The following POMGNT2 variants were observed in gnomAD, a reference collection of about 807,000 sequenced individuals.
POMGNT2 encodes the protein protein O-linked mannose N-acetylglucosaminyltransferase 2 (beta 1,4-).
A neutral mutation model predicts 37.8 loss-of-function variants in POMGNT2; 32 were observed. The ratio of observed to expected loss-of-function variants is 0.85; its 90% CI spans 0.64 to 1.14. The LOEUF is 1.14. POMGNT2 is among the 50% of genes most tolerant of loss of function. POMGNT2 has a pLI of 0.00. For synonymous variants in POMGNT2, 340 were observed against 336.8 expected (o/e 1.01, Z -0.10); for missense variants, 705 against 780.6 (o/e 0.90, Z 1.15).
intron 1 of POMGNT2, among the ~76,000 whole-genome samples, chr3:43,085,486 C>G (rs1463536206): frequency 7.2e-6 from 1 of 138,714 alleles, no homozygotes; most frequent in African/African-American, 3.4e-5. Flanking sequence ...GTTTTAAAAA[C>G]AGGAGTTTCT....
chr3:43,105,337 C>G (rs11716441), intron 1 of POMGNT2, among the ~76,000 whole-genome samples: 44,408 of 152,148 alleles, frequency 0.29, 6,768 homozygotes, highest in Non-Finnish European at 0.33. Flanking sequence ...CCTACTGGCC[C>G]CCAAAGCGCC....
At chr3:43,082,797 T>C (rs2089867039) in intron 1 of POMGNT2, among the ~76,000 whole-genome samples, 1 of 152,222 alleles carries the variant, frequency 6.6e-6, no homozygotes, top group Non-Finnish European at 1.5e-5. Context: ...AGAAGGTGTC[T>C]TTAGCTAGGT....
intron 1 of POMGNT2, among the ~76,000 whole-genome samples, chr3:43,086,839 A>G (rs2089901184): frequency 6.6e-6 from 1 of 152,106 alleles, no homozygotes; most frequent in Non-Finnish European, 1.5e-5. Context: ...AGGAGAGGTG[A>G]CTCCCACTCA....
rs531015056 is a variant in POMGNT2 at position 43,106,063 on chromosome 3, C to T, written c.-333G>A. On this transcript the variant is annotated 5_prime_UTR_variant, in exon 1 of 2. Transcript: ENST00000344697. The stretch of plus-strand genomic sequence containing the variant: ...CGTGCGCCTGCCCGGCGGGCGAGCC[C>T]GGCGCGGAGCCTGTGCGCCTGCGCA... The T allele has an allele frequency of 6.6e-6, 1 of 151,704 alleles. No homozygotes were observed. The highest frequency in any genetic ancestry group is 2.4e-5 in the African/African-American group (1 of 41,364). The allele number at this position is 151,704 out of a possible 1,614,324, so 9.4% of individuals were successfully genotyped here. A position where few individuals can be genotyped will look rare whatever the true frequency, so the allele number is the denominator to read the frequency against.
rs2002182 is a variant in POMGNT2, at chr3:43,106,046, T to A, written c.-316A>T. 2 of 151,510 alleles carry A rather than the reference T, an allele frequency of 1.3e-5. No homozygotes were observed. The highest frequency in any genetic ancestry group is 2.1e-4 in the South Asian group (1 of 4,814). The allele number at this position is 151,510 out of a possible 1,614,324, so 9.4% of individuals were successfully genotyped here. On this transcript the variant is annotated 5_prime_UTR_variant, in exon 1 of 2. Transcript: ENST00000344697. ...GGCTCGCAGGTGTCCGCCGTGCGCC[T>A]GCCCGGCGGGCGAGCCCGGCGCGGA...
At position 43,079,595 on chromosome 3, in the gene POMGNT2, A is replaced by T. The variant is rs2089826776; in HGVS notation, c.*94T>A. 3 of 1,152,158 alleles carry T rather than the reference A, an allele frequency of 2.6e-6. No individual in the cohort carries two copies. In the South Asian group the frequency reaches 4.5e-5, roughly 17 times the overall value. The allele number at this position is 1,152,158 out of a possible 1,614,324, so 71.4% of individuals were successfully genotyped here. On this transcript the variant is annotated 3_prime_UTR_variant, in exon 2 of 2. Coordinates refer to ENST00000344697, the MANE Select transcript of POMGNT2 (RefSeq NM_032806.6). ...TGTGGAGGCACAGGCCTGCTCAATA[A>T]ATAGTTCCCAGAAGTCTCCACAGTG... is the stretch of plus-strand genomic sequence containing the variant.
chr3:43,095,551 G>A (rs2089973893), intron 1 of POMGNT2, among the ~76,000 whole-genome samples: 1 of 152,200 alleles, frequency 6.6e-6, no homozygotes, highest in Admixed American at 6.5e-5. Context: ...CAGGACAGCT[G>A]CATGCTTCAG....
intron 1 of POMGNT2, among the ~76,000 whole-genome samples, chr3:43,099,961 C>G (rs2090005649): frequency 6.6e-6 from 1 of 152,132 alleles, no homozygotes; most frequent in African/African-American, 2.4e-5. Context: ...AATCAAAGCT[C>G]AGAAAGGTTA....
intron 1 of POMGNT2, among the ~76,000 whole-genome samples, chr3:43,084,630 C>T (rs2089881366): frequency 6.8e-6 from 1 of 147,066 alleles, no homozygotes; most frequent in Non-Finnish European, 1.5e-5. Flanking sequence ...GGGTGACAGA[C>T]AGAGCGAGAC....
At chr3:43,092,934 T>G (rs1421129029) in intron 1 of POMGNT2, among the ~76,000 whole-genome samples, 1 of 152,196 alleles carries the variant, frequency 6.6e-6, no homozygotes, top group Non-Finnish European at 1.5e-5. Flanking sequence ...TATGAGCTGA[T>G]GCACATTTTG....
rs533591718 is a variant in POMGNT2 at position 43,081,850 on chromosome 3, C to G, written c.-105-314G>C. Reference sequence around the variant, plus strand: ...AAGGTTTGGAAAGTGTTTGGGCTGGCCTTGCCCTCTTTATGACACTGCCAT... The same window carrying G: ...AAGGTTTGGAAAGTGTTTGGGCTGGGCTTGCCCTCTTTATGACACTGCCAT... On this transcript the variant is annotated intron_variant, in intron 1 of 1. Transcript: ENST00000344697. Among the ~76,000 whole-genome samples the G allele has an allele frequency of 1.9e-3, 293 of 152,350 alleles. 1 individual carries two copies. The highest frequency in any genetic ancestry group is 6.6e-3 in the African/African-American group (276 of 41,584).
intron 1 of POMGNT2, among the ~76,000 whole-genome samples, chr3:43,101,081 T>G (rs532607223): frequency 1.3e-5 from 2 of 152,068 alleles, no homozygotes; most frequent in African/African-American, 4.8e-5. Flanking sequence ...TGCACAAGAG[T>G]GAGGCTGCTC....
intron 1 of POMGNT2, among the ~76,000 whole-genome samples, chr3:43,094,795 A>G (rs2089967673): frequency 6.6e-6 from 1 of 152,200 alleles, no homozygotes; most frequent in African/African-American, 2.4e-5. Context: ...CTGTGCAGTG[A>G]CAAGGAACTC....
At chr3:43,090,410 T>C (rs566444322) in intron 1 of POMGNT2, 1 of 152,244 alleles carries the variant, frequency 6.6e-6, no homozygotes, top group Non-Finnish European at 1.5e-5. Context: ...TAAGAACTAC[T>C]GTGCTGAACT....
At chr3:43,083,093 C>T (rs753157204) in intron 1 of POMGNT2, among the ~76,000 whole-genome samples, 4 of 152,114 alleles carry the variant, frequency 2.6e-5, no homozygotes, top group Non-Finnish European at 5.9e-5. Flanking sequence ...CTACTCTTAT[C>T]CAAAGGTTGG....
chr3:43,088,374 T>C (rs1166403191), intron 1 of POMGNT2, among the ~76,000 whole-genome samples: 4 of 152,226 alleles, frequency 2.6e-5, no homozygotes, highest in Admixed American at 1.3e-4. Flanking sequence ...ACCTTGGGCC[T>C]GGTCAGTCGC....
At position 43,079,889 on chromosome 3, in the gene POMGNT2, G is replaced by C; in HGVS notation, c.1543C>G (p.Leu515Val). Residue 515 changes from leucine (L) to valine (V), a missense_variant, in exon 2 of 2, where the codon CTG becomes GTG. Leu to Val is a conservative substitution (Grantham distance 32, BLOSUM62 1). Transcript: ENST00000344697. ...TCGTACTTCACCTCCCTCACCTTCAGGTATTTAAGGTTCCATGGGATCTGC... is the reference window on the plus strand; with the variant it reads ...TCGTACTTCACCTCCCTCACCTTCACGTATTTAAGGTTCCATGGGATCTGC... ...SWQIPWNLKY[L>V]KVREVKYEVW... 4 of 1,614,170 alleles carry C rather than the reference G, an allele frequency of 2.5e-6. No homozygotes were observed. The highest frequency in any genetic ancestry group is 3.4e-6 in the Non-Finnish European group (4 of 1,180,022).
intron 1 of POMGNT2, among the ~76,000 whole-genome samples, chr3:43,095,919 G>A (rs543780497): frequency 6.6e-6 from 1 of 152,270 alleles, no homozygotes; most frequent in Non-Finnish European, 1.5e-5. Context: ...CTGGACCCAT[G>A]ACAATGACCA....
chr3:43,092,256 C>T (rs1274737082), intron 1 of POMGNT2, among the ~76,000 whole-genome samples: 1 of 152,082 alleles, frequency 6.6e-6, no homozygotes, highest in African/African-American at 2.4e-5. Flanking sequence ...TTTAAATTAT[C>T]TATTTTTAAA....
Sources: gnomAD v4.1 joint callset for allele counts (sites outside exome capture counted in the v4.1 genomes callset) on GRCh38, gnomAD v4.1.1 for gene constraint, MANE v1.5 for transcripts, NCBI Gene and HGNC (gene_info 2026-07-23, HGNC 2026-07-21) for gene names.